Variants in RTL4 observed in about 807,000 individuals in gnomAD.
RTL4 encodes the protein retrotransposon Gag-like protein 4.
RTL4 carries 4 observed loss-of-function variants against 5.3 expected under a neutral mutation model. That is an observed-to-expected ratio of 0.75 (90% CI 0.37 to 1.72). The LOEUF (loss-of-function observed/expected upper bound fraction) is 1.72. RTL4 is among the 40% of genes most tolerant of loss of function. RTL4 has a pLI of 0.04. For synonymous variants in RTL4, 98 were observed against 87.3 expected (o/e 1.12, Z -0.68); for missense variants, 260 against 227.1 (o/e 1.14, Z -0.93).
the RTL4 span, among the ~76,000 whole-genome samples, chrX:112,089,001 A>G: frequency 2.7e-5 from 3 of 111,831 alleles, no homozygotes; most frequent in South Asian, 3.8e-4. Context: ...CAAATATTTT[A>G]TCTCATTCTC....
At chrX:112,403,162 C>T in the RTL4 span, among the ~76,000 whole-genome samples, 1 of 111,131 alleles carries the variant, frequency 9.0e-6, no homozygotes, top group Non-Finnish European at 1.9e-5. Flanking sequence ...AACCATTGCC[C>T]GTTTCCCTAC....
chrX:112,197,620 T>A, the RTL4 span, among the ~76,000 whole-genome samples: 2 of 111,680 alleles, frequency 1.8e-5, no homozygotes, highest in Non-Finnish European at 3.8e-5. Context: ...GCCTTTTTTT[T>A]ATCTGCACCA....
the RTL4 span, among the ~76,000 whole-genome samples, chrX:112,315,601 A>C: frequency 4.7e-4 from 52 of 111,116 alleles, no homozygotes; most frequent in Non-Finnish European, 3.4e-4. Flanking sequence ...AACCATCTTC[A>C]TGTGTTTTGG....
chrX:112,395,161 A>G, the RTL4 span, among the ~76,000 whole-genome samples: 873 of 112,250 alleles, frequency 7.8e-3, 6 homozygotes, highest in African/African-American at 0.027. Context: ...AAACAGAAAA[A>G]AAATCTAGTG....
the RTL4 span, among the ~76,000 whole-genome samples, chrX:112,163,599 G>C: frequency 0.013 from 1,453 of 111,998 alleles, 23 homozygotes; most frequent in African/African-American, 0.045. Context: ...CTTTACAATG[G>C]TGGTCACATT....
At chrX:112,161,877 C>CTTTCTT in the RTL4 span, among the ~76,000 whole-genome samples, 3 of 41,257 alleles carry the variant, frequency 7.3e-5, no homozygotes, top group Non-Finnish European at 1.0e-4. Flanking sequence ...TTCTTTCCTT[C>CTTTCTT]TTTCTTCTTT....
At chrX:112,324,862 C>T in the RTL4 span, among the ~76,000 whole-genome samples, 19 of 111,378 alleles carry the variant, frequency 1.7e-4, no homozygotes, top group Non-Finnish European at 2.8e-4. Flanking sequence ...TCTATTAATT[C>T]GAGTTAGTTT....
At chrX:112,165,031 G>A in the RTL4 span, among the ~76,000 whole-genome samples, 1 of 111,532 alleles carries the variant, frequency 9.0e-6, no homozygotes, top group Non-Finnish European at 1.9e-5. Flanking sequence ...CCATTTCTCT[G>A]TCCTTTCCCA....
chrX:112,123,055 C>G, the RTL4 span, among the ~76,000 whole-genome samples: 1 of 111,438 alleles, frequency 9.0e-6, no homozygotes, highest in Non-Finnish European at 1.9e-5. Flanking sequence ...GAATAACTTA[C>G]AGCAGTTCAA....
At chrX:112,166,831 T>C in the RTL4 span, among the ~76,000 whole-genome samples, 3 of 111,966 alleles carry the variant, frequency 2.7e-5, no homozygotes, top group African/African-American at 9.7e-5. Flanking sequence ...TGAGTTGATG[T>C]ATACCAGGTA....
At chrX:112,305,672 T>C in the RTL4 span, among the ~76,000 whole-genome samples, 2 of 111,784 alleles carry the variant, frequency 1.8e-5, no homozygotes. Context: ...CCAACAACCA[T>C]ACCTTTTTAA....
the RTL4 span, among the ~76,000 whole-genome samples, chrX:112,158,853 T>TAA: frequency 8.9e-6 from 1 of 111,758 alleles, no homozygotes; most frequent in South Asian, 3.7e-4. Flanking sequence ...AACACTGGAT[T>TAA]AAAGAATATG....
At chrX:112,236,857 T>C in the RTL4 span, among the ~76,000 whole-genome samples, 3 of 111,302 alleles carry the variant, frequency 2.7e-5, no homozygotes. Flanking sequence ...TTAAGCATTT[T>C]GAGATGAGGA....
chrX:112,193,503 G>A, the RTL4 span, among the ~76,000 whole-genome samples: 1 of 111,017 alleles, frequency 9.0e-6, no homozygotes. Flanking sequence ...TTTTCTCTTT[G>A]TATTTGCTTT....
At chrX:112,094,286 T>C in the RTL4 span, among the ~76,000 whole-genome samples, 10 of 111,578 alleles carry the variant, frequency 9.0e-5, no homozygotes, top group South Asian at 3.8e-4. Context: ...GTGTCAAACA[T>C]GGCTTCCAAG....
At chrX:112,111,347 TTCTC>T in the RTL4 span, among the ~76,000 whole-genome samples, 1 of 111,643 alleles carries the variant, frequency 9.0e-6, no homozygotes, top group Admixed American at 9.5e-5. Context: ...GTCTTTCTCT[TTCTC>T]TCTGTCTTTC....
the RTL4 span, among the ~76,000 whole-genome samples, chrX:112,337,509 C>T: frequency 6.3e-5 from 7 of 111,342 alleles, no homozygotes; most frequent in Non-Finnish European, 1.3e-4. Context: ...TCTGGAACTC[C>T]AGACCTGAGG....
At chrX:112,391,008 C>G in the RTL4 span, among the ~76,000 whole-genome samples, 1 of 111,852 alleles carries the variant, frequency 8.9e-6, no homozygotes, top group Admixed American at 9.5e-5. Flanking sequence ...AGAGTTTTTG[C>G]TCATTTCTTT....
chrX:112,131,706 C>T, the RTL4 span, among the ~76,000 whole-genome samples: 7 of 109,218 alleles, frequency 6.4e-5, no homozygotes, highest in South Asian at 4.0e-4. Context: ...GAGGAAAAGA[C>T]GCATATTAAA....
Sources: gnomAD v4.1 joint callset for allele counts (sites outside exome capture counted in the v4.1 genomes callset) on GRCh38, gnomAD v4.1.1 for gene constraint, MANE v1.5 for transcripts, NCBI Gene and HGNC (gene_info 2026-07-23, HGNC 2026-07-21) for gene names.